Variants in LINGO2 observed in about 807,000 individuals in gnomAD.
LINGO2 encodes leucine rich repeat and Ig domain containing 2.
Under a neutral mutation model 30.6 loss-of-function variants are expected in LINGO2, and 14 were observed. That is an observed-to-expected ratio of 0.46 (90% confidence interval 0.30 to 0.72). The LOEUF is 0.72. Among genes scored for constraint, LINGO2 ranks in the 30% least tolerant of loss-of-function variants. The probability of loss-of-function intolerance (pLI) is 0.07; values close to 1 mark genes in which losing one functional copy is unlikely to be tolerated. For missense variants in LINGO2, 729 were observed against 751.7 expected, an observed-to-expected ratio of 0.97 and a Z score of 0.35; for synonymous variants, 317 against 288.5, an observed-to-expected ratio of 1.10 and a Z score of -1.00.
intron 1 of LINGO2, among the ~76,000 whole-genome samples, chr9:28,479,192 G>T (rs1227248748): frequency 2.0e-5 from 3 of 151,846 alleles, no homozygotes; most frequent in Non-Finnish European, 2.9e-5. Context: ...CAGAATTTTG[G>T]GATGGAAGAA....
At chr9:29,017,939 T>C in the LINGO2 span, among the ~76,000 whole-genome samples, 2 of 151,714 alleles carry the variant, frequency 1.3e-5, no homozygotes, top group Non-Finnish European at 2.9e-5. Context: ...GCAGTAAGAT[T>C]GCTCTACTCT....
At chr9:28,071,679 T>G (rs2133176717) in intron 4 of LINGO2, among the ~76,000 whole-genome samples, 1 of 152,090 alleles carries the variant, frequency 6.6e-6, no homozygotes, top group South Asian at 2.1e-4. Context: ...TTGTGTACTT[T>G]GGCAAAAATT....
Position 28,060,972 on chromosome 9 carries a change from C to A in LINGO2, c.-86-48567G>T, listed in dbSNP as rs191492346. On this transcript the variant is annotated intron_variant, in intron 4 of 5. Transcript: ENST00000379992. ...ATCCTTCAGATATCAATTTCAATCC[C>A]CATTTTTTAGAGAGGCTTTTCTTCC... Among the ~76,000 whole-genome samples the A allele has an allele frequency of 3.9e-5, 6 of 152,038 alleles. No homozygotes were observed. In the East Asian group the frequency reaches 1.2e-3, roughly 29 times the overall value.
chr9:29,120,194 C>T, the LINGO2 span, among the ~76,000 whole-genome samples: 6 of 152,250 alleles, frequency 3.9e-5, no homozygotes, highest in South Asian at 1.0e-3. Flanking sequence ...TTTCCAGGAT[C>T]ACTGTGAGAC....
At chr9:28,921,544 G>T in the LINGO2 span, among the ~76,000 whole-genome samples, 3 of 152,174 alleles carry the variant, frequency 2.0e-5, no homozygotes, top group Non-Finnish European at 4.4e-5. Context: ...GGGACCTGCT[G>T]CAATTATCTT....
chr9:28,188,178 C>G (rs1042766243), intron 4 of LINGO2, among the ~76,000 whole-genome samples: 1 of 152,160 alleles, frequency 6.6e-6, no homozygotes, highest in Non-Finnish European at 1.5e-5. Flanking sequence ...AGCTGACAGG[C>G]TTTTCAAATG....
At chr9:28,290,757 AT>A (rs371514224) in intron 4 of LINGO2, among the ~76,000 whole-genome samples, 8 of 151,920 alleles carry the variant, frequency 5.3e-5, no homozygotes, top group African/African-American at 1.9e-4. Context: ...TTGATACTTT[AT>A]TTTTTTTCAG....
At chr9:28,044,427 GC>G in intron 4 of LINGO2, among the ~76,000 whole-genome samples, 1 of 152,228 alleles carries the variant, frequency 6.6e-6, no homozygotes, top group East Asian at 1.9e-4. Flanking sequence ...GCTGCCCCAT[GC>G]ATCATGGATC....
the LINGO2 span, among the ~76,000 whole-genome samples, chr9:29,074,597 G>A: frequency 6.7e-6 from 1 of 150,298 alleles, no homozygotes; most frequent in African/African-American, 2.4e-5. Flanking sequence ...AGGATAGCAT[G>A]TATCAGATTT....
the LINGO2 span, among the ~76,000 whole-genome samples, chr9:28,835,542 G>A: frequency 6.6e-6 from 1 of 152,100 alleles, no homozygotes; most frequent in African/African-American, 2.4e-5. Flanking sequence ...ACTAAAGAGA[G>A]ACAAATAAAT....
intron 2 of LINGO2, among the ~76,000 whole-genome samples, chr9:28,403,755 A>G (rs1157825053): frequency 6.6e-6 from 1 of 151,978 alleles, no homozygotes; most frequent in Non-Finnish European, 1.5e-5. Flanking sequence ...GAGTTTACAT[A>G]ATAGTAATTT....
the LINGO2 span, among the ~76,000 whole-genome samples, chr9:28,739,039 G>A: frequency 2.0e-5 from 3 of 151,884 alleles, no homozygotes; most frequent in African/African-American, 7.2e-5. Context: ...AATTGAGTAG[G>A]AAATGGTGGT....
At chr9:28,488,013 C>G (rs1826241320) in intron 1 of LINGO2, among the ~76,000 whole-genome samples, 1 of 152,126 alleles carries the variant, frequency 6.6e-6, no homozygotes, top group Non-Finnish European at 1.5e-5. Context: ...GAAAAGCATG[C>G]TTTTAAAGTA....
At chr9:28,880,919 C>T in the LINGO2 span, among the ~76,000 whole-genome samples, 1 of 152,142 alleles carries the variant, frequency 6.6e-6, no homozygotes, top group African/African-American at 2.4e-5. Flanking sequence ...ATAGTACCTT[C>T]CCTTGAACTT....
At chr9:28,091,655 C>G (rs1427180565) in intron 4 of LINGO2, among the ~76,000 whole-genome samples, 1 of 152,118 alleles carries the variant, frequency 6.6e-6, no homozygotes, top group African/African-American at 2.4e-5. Flanking sequence ...GACTTCATGT[C>G]TAAAACACCA....
intron 4 of LINGO2, among the ~76,000 whole-genome samples, chr9:28,105,412 A>G (rs1329020042): frequency 6.6e-6 from 1 of 152,196 alleles, no homozygotes; most frequent in Non-Finnish European, 1.5e-5. Flanking sequence ...TGGAGTTTGC[A>G]TTCTACTCTG....
chr9:28,228,448 CT>C (rs1442346744), intron 4 of LINGO2, among the ~76,000 whole-genome samples: 3 of 152,106 alleles, frequency 2.0e-5, no homozygotes, highest in East Asian at 3.9e-4. Flanking sequence ...ATCTTTCTTC[CT>C]TTGGTTTAAG....
intron 1 of LINGO2, among the ~76,000 whole-genome samples, chr9:28,549,894 A>AT (rs1438943496): frequency 2.6e-5 from 4 of 151,692 alleles, no homozygotes; most frequent in Non-Finnish European, 5.9e-5. Context: ...TTTGATAATA[A>AT]TTTAACAGGA....
the LINGO2 span, among the ~76,000 whole-genome samples, chr9:28,948,494 A>G: frequency 6.6e-6 from 1 of 152,050 alleles, no homozygotes; most frequent in Non-Finnish European, 1.5e-5. Flanking sequence ...TTTTGGCAAA[A>G]TTTGAGCAAT....
Sources: allele counts gnomAD v4.1 joint callset (sites outside exome capture counted in the v4.1 genomes callset), GRCh38; gene constraint gnomAD v4.1.1; transcripts MANE v1.5; gene names NCBI Gene and HGNC (gene_info 2026-07-23, HGNC 2026-07-21).